Variants in KLHL13 observed in about 807,000 individuals in gnomAD.
KLHL13 encodes the protein kelch like family member 13.
Under a neutral mutation model 37.1 loss-of-function variants are expected in KLHL13, and 10 were observed. The ratio of observed to expected loss-of-function variants is 0.27; its 90% CI spans 0.17 to 0.46. The LOEUF (loss-of-function observed/expected upper bound fraction) is 0.46. Ranked by LOEUF, KLHL13 falls within the 20% of genes least tolerant of loss-of-function variation. KLHL13 has a pLI of 1.00. For missense variants in KLHL13, 360 were observed against 509.3 expected, an observed-to-expected ratio of 0.71 and a Z score of 2.82; for synonymous variants, 163 against 181.2, an observed-to-expected ratio of 0.90 and a Z score of 0.81.
chrX:117,998,231 GATATTTGAATTTTTTC>G (rs1230447725), intron 1 of KLHL13, among the ~76,000 whole-genome samples: 1 of 111,959 alleles, frequency 8.9e-6, no homozygotes, highest in Non-Finnish European at 1.9e-5. Context: ...TTCCCTAAAA[GATATTTGAATTTTTTC>G]AACTACAGAT....
intron 1 of KLHL13, among the ~76,000 whole-genome samples, chrX:118,093,982 T>A (rs1358733203): frequency 9.1e-6 from 1 of 109,535 alleles, no homozygotes; most frequent in African/African-American, 3.3e-5. Context: ...CATTTCCAAC[T>A]GAGGAACGCA....
At chrX:118,073,377 G>A (rs1484144537) in intron 1 of KLHL13, among the ~76,000 whole-genome samples, 1 of 110,837 alleles carries the variant, frequency 9.0e-6, no homozygotes, top group Non-Finnish European at 1.9e-5. Context: ...CAGATCTTGT[G>A]AGACTTATTC....
At chrX:117,988,306 A>G (rs1162879530) in intron 1 of KLHL13, among the ~76,000 whole-genome samples, 1 of 112,181 alleles carries the variant, frequency 8.9e-6, no homozygotes, top group Non-Finnish European at 1.9e-5. Flanking sequence ...CTAGTCTAGT[A>G]TAAATAATTC....
At chrX:117,949,942 G>A (rs1933501043) in intron 1 of KLHL13, among the ~76,000 whole-genome samples, 2 of 111,987 alleles carry the variant, frequency 1.8e-5, no homozygotes, top group Non-Finnish European at 3.8e-5. Context: ...TCTTGATACT[G>A]CTATGAATAA....
intron 1 of KLHL13, among the ~76,000 whole-genome samples, chrX:117,962,271 T>C (rs1189976811): frequency 1.9e-5 from 2 of 107,888 alleles, no homozygotes; most frequent in Non-Finnish European, 1.9e-5. Context: ...TTTGCAGTAA[T>C]TTGATATGGC....
chrX:118,002,483 C>T (rs1257384588), intron 1 of KLHL13, among the ~76,000 whole-genome samples: 3 of 109,201 alleles, frequency 2.7e-5, no homozygotes, highest in African/African-American at 1.0e-4. Context: ...ATTCCAGCTA[C>T]TTGGGAGGCT....
intron 1 of KLHL13, among the ~76,000 whole-genome samples, chrX:118,107,463 T>A (rs1252100319): frequency 1.8e-5 from 2 of 112,236 alleles, no homozygotes; most frequent in East Asian, 5.6e-4. Context: ...CATTTCTGCT[T>A]CATATATGAT....
chrX:118,095,740 T>C (rs188766740), intron 1 of KLHL13, among the ~76,000 whole-genome samples: 201 of 112,029 alleles, frequency 1.8e-3, no homozygotes, highest in African/African-American at 6.1e-3. Flanking sequence ...AAGAAACTCA[T>C]TCAAAACCGC....
intron 1 of KLHL13, among the ~76,000 whole-genome samples, chrX:118,080,234 C>T (rs113363509): frequency 0.013 from 1,398 of 111,468 alleles, 7 homozygotes; most frequent in Middle Eastern, 0.023. Context: ...TTGGATAAGT[C>T]CCCAAAAGCA....
chrX:117,942,156 T>C (rs2147790385), intron 2 of KLHL13, among the ~76,000 whole-genome samples: 1 of 112,091 alleles, frequency 8.9e-6, no homozygotes, highest in South Asian at 3.7e-4. Flanking sequence ...GTGAGTTTCT[T>C]AATCCTGAGT....
chrX:117,963,785 T>C (rs1443874261), intron 1 of KLHL13, among the ~76,000 whole-genome samples: 1 of 104,077 alleles, frequency 9.6e-6, no homozygotes, highest in Non-Finnish European at 2.0e-5. Context: ...TGATATCTCA[T>C]AGTGGTTTTG....
chrX:118,031,043 T>G (rs1157619348), intron 1 of KLHL13, among the ~76,000 whole-genome samples: 1 of 110,739 alleles, frequency 9.0e-6, no homozygotes, highest in Non-Finnish European at 1.9e-5. Flanking sequence ...AGGGAGTAGG[T>G]GATAGGATAT....
At chrX:118,055,163 A>C (rs1281136408) in intron 1 of KLHL13, among the ~76,000 whole-genome samples, 1 of 111,951 alleles carries the variant, frequency 8.9e-6, no homozygotes, top group Non-Finnish European at 1.9e-5. Context: ...ATTTTTAGCA[A>C]ATTTAAGAAA....
At chrX:117,989,280 A>G (rs1412381409) in intron 1 of KLHL13, among the ~76,000 whole-genome samples, 1 of 110,976 alleles carries the variant, frequency 9.0e-6, no homozygotes, top group African/African-American at 3.3e-5. Context: ...TAATATTCCC[A>G]TTTTACTCAT....
intron 1 of KLHL13, among the ~76,000 whole-genome samples, chrX:117,982,026 T>C (rs1447090508): frequency 1.8e-5 from 2 of 110,693 alleles, no homozygotes; most frequent in Admixed American, 1.9e-4. Context: ...AGGAGATACA[T>C]GCTCAGTGAG....
chrX:117,922,822 T>C (rs1237042858), intron 2 of KLHL13, among the ~76,000 whole-genome samples: 1 of 112,152 alleles, frequency 8.9e-6, no homozygotes, highest in Non-Finnish European at 1.9e-5. Flanking sequence ...GTTAAAAACT[T>C]AAAGGCTACC....
intron 1 of KLHL13, among the ~76,000 whole-genome samples, chrX:118,092,798 A>G (rs997462940): frequency 1.8e-5 from 2 of 111,604 alleles, no homozygotes; most frequent in African/African-American, 6.5e-5. Context: ...ACCAATATCA[A>G]TTTCTGGGCT....
chrX:117,991,910 C>T (rs969826873), intron 1 of KLHL13, among the ~76,000 whole-genome samples: 7 of 107,062 alleles, frequency 6.5e-5, no homozygotes, highest in Non-Finnish European at 1.2e-4. Context: ...CCTCACCCCC[C>T]TCCCACATTG....
chrX:117,911,821 T>A (rs1261424742), intron 4 of KLHL13, among the ~76,000 whole-genome samples: 1 of 112,289 alleles, frequency 8.9e-6, no homozygotes, highest in Non-Finnish European at 1.9e-5. Context: ...TCAAAAAGAA[T>A]TTGTGCTCTT....
Sources: gnomAD v4.1 joint callset for allele counts (sites outside exome capture counted in the v4.1 genomes callset) on GRCh38, gnomAD v4.1.1 for gene constraint, MANE v1.5 for transcripts, NCBI Gene and HGNC (gene_info 2026-07-23, HGNC 2026-07-21) for gene names.